Variants in TRAPPC9 observed in about 807,000 individuals in gnomAD.
TRAPPC9 encodes the protein trafficking protein particle complex subunit 9.
TRAPPC9 carries 83 observed loss-of-function variants against 124.0 expected under a neutral mutation model. That is an observed-to-expected ratio of 0.67 (90% CI 0.56 to 0.80). The LOEUF is 0.80. Ranked by LOEUF, TRAPPC9 falls within the 30% of genes least tolerant of loss-of-function variation. The pLI is 0.00. For missense variants in TRAPPC9, 1,302 were observed against 1,508.3 expected, an observed-to-expected ratio of 0.86 and a Z score of 2.27; for synonymous variants, 638 against 617.5, an observed-to-expected ratio of 1.03 and a Z score of -0.49.
chr8:140,095,115 A>G (rs1844846586), intron 17 of TRAPPC9: 1 of 152,208 alleles, frequency 6.6e-6, no homozygotes, highest in African/African-American at 2.4e-5. Flanking sequence ...TGCCGTGGCC[A>G]CACCTGTCAG....
At chr8:139,859,400 T>C (rs761959412) in intron 21 of TRAPPC9, among the ~76,000 whole-genome samples, 21 of 152,334 alleles carry the variant, frequency 1.4e-4, no homozygotes, top group Non-Finnish European at 2.5e-4. Context: ...GCAGCGCTTC[T>C]ATTGCTTACT....
intron 8 of TRAPPC9, among the ~76,000 whole-genome samples, chr8:140,365,819 C>T (rs2068091710): frequency 6.6e-6 from 1 of 152,232 alleles, no homozygotes; most frequent in Non-Finnish European, 1.5e-5. Flanking sequence ...GAAGGTTACA[C>T]TGGTAAACGT....
intron 17 of TRAPPC9, among the ~76,000 whole-genome samples, chr8:140,052,239 A>T (rs1348362655): frequency 6.7e-6 from 1 of 149,640 alleles, no homozygotes; most frequent in Non-Finnish European, 1.5e-5. Flanking sequence ...CAACAACAAC[A>T]ACAACAACAC....
At chr8:139,837,322 G>A (rs1445756854) in intron 21 of TRAPPC9, among the ~76,000 whole-genome samples, 1 of 152,204 alleles carries the variant, frequency 6.6e-6, no homozygotes, top group Non-Finnish European at 1.5e-5. Flanking sequence ...GTGCACAGCT[G>A]CCACGGGGCA....
chr8:140,378,645 A>G (rs569205206), intron 7 of TRAPPC9, among the ~76,000 whole-genome samples: 2 of 152,302 alleles, frequency 1.3e-5, no homozygotes, highest in African/African-American at 4.8e-5. Flanking sequence ...CAACAAGATC[A>G]AGTTTCCTTA....
intron 7 of TRAPPC9, among the ~76,000 whole-genome samples, chr8:140,392,829 C>A (rs961048564): frequency 6.6e-6 from 1 of 152,168 alleles, no homozygotes. Context: ...AATTCACAAG[C>A]CTGTAAACTG....
chr8:140,066,945 C>T (rs1842921406), intron 17 of TRAPPC9, among the ~76,000 whole-genome samples: 1 of 152,186 alleles, frequency 6.6e-6, no homozygotes, highest in African/African-American at 2.4e-5. Context: ...TACTGACAGG[C>T]ACCCTCTCCA....
At chr8:139,881,416 A>G (rs1412234165) in intron 21 of TRAPPC9, 4 of 152,236 alleles carry the variant, frequency 2.6e-5, no homozygotes, top group Non-Finnish European at 5.9e-5. Flanking sequence ...TTTACAGAGC[A>G]TCACATGTGG....
chr8:140,068,401 G>A (rs1402832087), intron 17 of TRAPPC9, among the ~76,000 whole-genome samples: 1 of 152,148 alleles, frequency 6.6e-6, no homozygotes, highest in African/African-American at 2.4e-5. Context: ...GGAACTGAGA[G>A]AAGTCACAGT....
At chr8:139,997,994 GGGGAGACAATGCATCCTACACA>G (rs1236657289) in intron 18 of TRAPPC9, among the ~76,000 whole-genome samples, 15 of 148,388 alleles carry the variant, frequency 1.0e-4, no homozygotes, top group African/African-American at 3.2e-4. Flanking sequence ...ATCCCACACA[GGGGAGACAATGCATCCTACACA>G]GGGAGACAAT....
intron 21 of TRAPPC9, among the ~76,000 whole-genome samples, chr8:139,820,573 A>C (rs773669833): frequency 4.3e-4 from 65 of 152,254 alleles, no homozygotes; most frequent in Admixed American, 1.0e-3. Context: ...AAACTGGATA[A>C]TATGTTCTTA....
intron 17 of TRAPPC9, among the ~76,000 whole-genome samples, 190 bp from the exon 18 acceptor site, chr8:140,024,269 C>T (rs2131925394): frequency 6.6e-6 from 1 of 152,232 alleles, no homozygotes; most frequent in Middle Eastern, 3.4e-3. Context: ...GACTCACACC[C>T]CCAGCGGGCA....
intron 10 of TRAPPC9, among the ~76,000 whole-genome samples, chr8:140,305,347 T>G (rs2066098393): frequency 6.6e-6 from 1 of 152,154 alleles, no homozygotes; most frequent in African/African-American, 2.4e-5. Flanking sequence ...GTCACCCAGG[T>G]TGGAGTGCAG....
At chr8:140,035,954 T>A (rs1840848202) in intron 17 of TRAPPC9, among the ~76,000 whole-genome samples, 2 of 152,228 alleles carry the variant, frequency 1.3e-5, no homozygotes, top group African/African-American at 4.8e-5. Flanking sequence ...AGCTTTCCCA[T>A]CTGTGAAATA....
At chr8:140,436,702 C>G (rs1450625923) in intron 3 of TRAPPC9, among the ~76,000 whole-genome samples, 1 of 152,190 alleles carries the variant, frequency 6.6e-6, no homozygotes, top group Non-Finnish European at 1.5e-5. Flanking sequence ...CAGTACCAGT[C>G]TTTCTGGAGA....
intron 6 of TRAPPC9, among the ~76,000 whole-genome samples, chr8:140,404,748 A>G (rs533332644): frequency 2.0e-5 from 3 of 149,746 alleles, no homozygotes; most frequent in South Asian, 4.3e-4. Context: ...ACGCGTGAGC[A>G]TGTGTGTACG....
chr8:139,800,540 G>C (rs1429303403), intron 21 of TRAPPC9, among the ~76,000 whole-genome samples: 1 of 152,226 alleles, frequency 6.6e-6, no homozygotes, highest in Non-Finnish European at 1.5e-5. Context: ...CTCCCAGAAA[G>C]AGCAAGTGCC....
intron 17 of TRAPPC9, among the ~76,000 whole-genome samples, chr8:140,128,838 G>C (rs1057477412): frequency 5.4e-4 from 82 of 152,192 alleles, no homozygotes; most frequent in African/African-American, 1.9e-3. Flanking sequence ...GCCTGCACAT[G>C]GGAGATCTTA....
intron 21 of TRAPPC9, among the ~76,000 whole-genome samples, chr8:139,783,893 T>C (rs529308016): frequency 3.9e-4 from 60 of 152,140 alleles, no homozygotes; most frequent in African/African-American, 8.0e-4. Flanking sequence ...AGAGAAACCA[T>C]ATGATCATCT....
Sources: gnomAD v4.1 joint callset for allele counts (sites outside exome capture counted in the v4.1 genomes callset) on GRCh38, gnomAD v4.1.1 for gene constraint, MANE v1.5 for transcripts, NCBI Gene and HGNC (gene_info 2026-07-23, HGNC 2026-07-21) for gene names.